Variants in GPC6 observed in about 807,000 individuals in gnomAD.
GPC6 encodes the protein glypican-6.
GPC6 carries 14 observed loss-of-function variants against 55.2 expected under a neutral mutation model. That is an observed-to-expected ratio of 0.25 (90% CI 0.17 to 0.40). GPC6 has a LOEUF of 0.40. GPC6 is among the 10% of genes least tolerant of loss of function. The pLI, the probability that GPC6 is intolerant of heterozygous loss-of-function variation, is 1.00. For missense variants in GPC6, 641 were observed against 708.5 expected (o/e 0.90, Z 1.08); for synonymous variants, 278 against 259.6 (o/e 1.07, Z -0.68).
At chr13:93,733,709 T>C (rs2138839672) in intron 2 of GPC6, among the ~76,000 whole-genome samples, 1 of 152,114 alleles carries the variant, frequency 6.6e-6, no homozygotes, top group South Asian at 2.1e-4. Context: ...TGAGAAATAT[T>C]TGTATGGAGA....
At chr13:94,077,937 T>G (rs1032000335) in intron 4 of GPC6, among the ~76,000 whole-genome samples, 5 of 151,856 alleles carry the variant, frequency 3.3e-5, no homozygotes, top group Non-Finnish European at 5.9e-5. Context: ...ATATAGAACA[T>G]TCTACCCAAC....
intron 1 of GPC6, among the ~76,000 whole-genome samples, chr13:93,408,685 T>A (rs949948018): frequency 2.0e-5 from 3 of 152,102 alleles, no homozygotes; most frequent in African/African-American, 4.8e-5. Context: ...CCCTTAGGAA[T>A]CTTGGATAGA....
chr13:93,298,998 C>T (rs1386659589), intron 1 of GPC6, among the ~76,000 whole-genome samples: 1 of 151,772 alleles, frequency 6.6e-6, no homozygotes, highest in Non-Finnish European at 1.5e-5. Context: ...CTTCTGGTGG[C>T]AGGCATTTTA....
intron 4 of GPC6, among the ~76,000 whole-genome samples, chr13:94,044,441 G>T (rs117069152): frequency 6.6e-6 from 1 of 151,794 alleles, no homozygotes; most frequent in Non-Finnish European, 1.5e-5. Context: ...AGGCATAAAT[G>T]GGTTAATTGT....
chr13:93,533,674 G>T (rs994331147), intron 1 of GPC6, among the ~76,000 whole-genome samples: 1 of 152,050 alleles, frequency 6.6e-6, no homozygotes, highest in African/African-American at 2.4e-5. Flanking sequence ...TTTTATTGGG[G>T]TGTAGGACAC....
intron 1 of GPC6, among the ~76,000 whole-genome samples, chr13:93,440,841 C>T (rs1029941438): frequency 6.6e-6 from 1 of 151,994 alleles, no homozygotes; most frequent in African/African-American, 2.4e-5. Flanking sequence ...CTATCCCTCC[C>T]CCCTGCCCCC....
At chr13:93,912,681 T>C (rs925226452) in intron 3 of GPC6, among the ~76,000 whole-genome samples, 1 of 152,140 alleles carries the variant, frequency 6.6e-6, no homozygotes, top group Non-Finnish European at 1.5e-5. Context: ...AGGCAGAGCT[T>C]GCAGTGAGCC....
chr13:94,227,544 C>A (rs1253642988), intron 4 of GPC6, among the ~76,000 whole-genome samples: 2 of 152,134 alleles, frequency 1.3e-5, no homozygotes, highest in Non-Finnish European at 2.9e-5. Context: ...AAGCTAATGA[C>A]TCAAGAAATA....
chr13:93,933,020 T>A (rs1176056056), intron 3 of GPC6, among the ~76,000 whole-genome samples: 7 of 150,128 alleles, frequency 4.7e-5, no homozygotes, highest in Non-Finnish European at 8.9e-5. Context: ...AGAATTGGTT[T>A]TCTTGCATTT....
chr13:93,724,444 TTC>T (rs1167400543), intron 2 of GPC6, among the ~76,000 whole-genome samples: 1 of 152,066 alleles, frequency 6.6e-6, no homozygotes, highest in Non-Finnish European at 1.5e-5. Flanking sequence ...ATCTTATACT[TTC>T]TCGTGAGATT....
intron 6 of GPC6, among the ~76,000 whole-genome samples, chr13:94,336,351 T>TCAAA (rs1877699432): frequency 6.6e-6 from 1 of 152,198 alleles, no homozygotes; most frequent in Admixed American, 6.5e-5. Flanking sequence ...TTTGATTCTG[T>TCAAA]CAAACACTGA....
intron 2 of GPC6, among the ~76,000 whole-genome samples, chr13:93,630,240 C>G (rs912001147): frequency 3.9e-5 from 6 of 152,144 alleles, no homozygotes; most frequent in African/African-American, 1.4e-4. Flanking sequence ...TCAACAGATC[C>G]TAACATGGAA....
intron 3 of GPC6, among the ~76,000 whole-genome samples, chr13:93,948,061 C>A (rs887906773): frequency 7.2e-5 from 11 of 152,028 alleles, no homozygotes; most frequent in African/African-American, 2.2e-4. Context: ...GAATATATTT[C>A]TCATAAATTT....
chr13:93,758,464 T>C (rs1333672095), intron 2 of GPC6, among the ~76,000 whole-genome samples: 1 of 152,164 alleles, frequency 6.6e-6, no homozygotes, highest in African/African-American at 2.4e-5. Flanking sequence ...TCTATGTATC[T>C]ATGGAGATAC....
intron 6 of GPC6, among the ~76,000 whole-genome samples, chr13:94,365,722 T>C (rs1026167162): frequency 2.0e-5 from 3 of 152,212 alleles, no homozygotes; most frequent in Non-Finnish European, 2.9e-5. Flanking sequence ...GTACTCTCAC[T>C]GTTGGATGGA....
At chr13:94,069,523 C>G (rs1368032880) in intron 4 of GPC6, among the ~76,000 whole-genome samples, 2 of 152,100 alleles carry the variant, frequency 1.3e-5, no homozygotes, top group African/African-American at 4.8e-5. Context: ...ATGGGATTTT[C>G]TTTTTTAGCA....
chr13:94,085,967 G>C (rs1388267256), intron 4 of GPC6, among the ~76,000 whole-genome samples: 1 of 151,880 alleles, frequency 6.6e-6, no homozygotes, highest in Non-Finnish European at 1.5e-5. Flanking sequence ...TCTCCTAATG[G>C]GTTATTGAAG....
chr13:93,291,122 T>C (rs975311509), intron 1 of GPC6, among the ~76,000 whole-genome samples: 16 of 152,276 alleles, frequency 1.1e-4, no homozygotes, highest in Non-Finnish European at 2.2e-4. Context: ...ATGGCATTGA[T>C]GTAGGTTGAA....
chr13:93,520,682 G>T (rs893378230), intron 1 of GPC6, among the ~76,000 whole-genome samples: 1 of 151,906 alleles, frequency 6.6e-6, no homozygotes, highest in Non-Finnish European at 1.5e-5. Context: ...TCTGTGAATA[G>T]CATTTATGGA....
Sources: allele counts gnomAD v4.1 joint callset (sites outside exome capture counted in the v4.1 genomes callset), GRCh38; gene constraint gnomAD v4.1.1; transcripts MANE v1.5; gene names NCBI Gene and HGNC (gene_info 2026-07-23, HGNC 2026-07-21).